FMN2: variants seen among roughly 807,000 people sequenced by gnomAD.
FMN2 encodes formin 2.
FMN2 carries 51 observed loss-of-function variants against 142.3 expected under a neutral mutation model. The ratio of observed to expected loss-of-function variants is 0.36; its 90% CI spans 0.29 to 0.45. FMN2 has a LOEUF of 0.45. Among genes scored for constraint, FMN2 ranks in the 20% least tolerant of loss-of-function variants. FMN2 has a pLI of 1.00. For missense variants in FMN2, 1,936 were observed against 2,122.8 expected (o/e 0.91, Z 1.73); for synonymous variants, 882 against 869.8 (o/e 1.01, Z -0.25).
At chr1:240,131,130 T>C (rs764869114) in intron 2 of FMN2, among the ~76,000 whole-genome samples, 3 of 152,192 alleles carry the variant, frequency 2.0e-5, no homozygotes, top group Non-Finnish European at 4.4e-5. Flanking sequence ...TGAAAGTTTA[T>C]TTCTTCTTGG....
At chr1:240,436,169 C>T (rs1476008204) in intron 15 of FMN2, among the ~76,000 whole-genome samples, 2 of 152,184 alleles carry the variant, frequency 1.3e-5, no homozygotes, top group South Asian at 2.1e-4. Flanking sequence ...TACCATAGCC[C>T]GTGGCAGCCA....
At chr1:240,277,524 TC>T (rs1669257114) in intron 7 of FMN2, among the ~76,000 whole-genome samples, 1 of 125,690 alleles carries the variant, frequency 8.0e-6, no homozygotes, top group South Asian at 2.6e-4. Context: ...TGCATCTTCT[TC>T]TTTTTTTTTT....
At chr1:240,254,630 G>A (rs756797224) in intron 6 of FMN2, among the ~76,000 whole-genome samples, 20 of 152,106 alleles carry the variant, frequency 1.3e-4, no homozygotes, top group Admixed American at 3.9e-4. Context: ...GCTGGGGAGG[G>A]TGGAGTTACC....
At chr1:240,247,021 G>A (rs1293954733) in intron 6 of FMN2, among the ~76,000 whole-genome samples, 1 of 152,114 alleles carries the variant, frequency 6.6e-6, no homozygotes, top group Non-Finnish European at 1.5e-5. Flanking sequence ...AAAAAGGTCA[G>A]ATCATAGCAG....
At chr1:240,261,305 A>G (rs1182637794) in intron 7 of FMN2, among the ~76,000 whole-genome samples, 2 of 151,630 alleles carry the variant, frequency 1.3e-5, no homozygotes, top group Admixed American at 1.3e-4. Context: ...GCAGCTCATT[A>G]ATGAAATGGA....
At chr1:240,218,022 C>T (rs929346990) in intron 6 of FMN2, among the ~76,000 whole-genome samples, 2 of 152,000 alleles carry the variant, frequency 1.3e-5, no homozygotes, top group Admixed American at 6.5e-5. Context: ...CAGTGGCTCA[C>T]GCCTGTAATC....
intron 2 of FMN2, among the ~76,000 whole-genome samples, chr1:240,167,666 A>G (rs1189517746): frequency 6.6e-6 from 1 of 152,224 alleles, no homozygotes; most frequent in Non-Finnish European, 1.5e-5. Flanking sequence ...TGCTGTGTGA[A>G]GATTGTGGCA....
intron 7 of FMN2, among the ~76,000 whole-genome samples, chr1:240,270,723 G>T (rs1668973755): frequency 1.3e-5 from 2 of 152,002 alleles, no homozygotes; most frequent in Non-Finnish European, 2.9e-5. Flanking sequence ...TATGTTAAGT[G>T]AAATAAGCCA....
chr1:240,290,897 T>G (rs1165370564), intron 7 of FMN2, among the ~76,000 whole-genome samples: 1 of 145,606 alleles, frequency 6.9e-6, no homozygotes, highest in African/African-American at 2.6e-5. Context: ...ATCTAGGCCC[T>G]CTACCTCCCG....
At chr1:240,118,598 A>G (rs1271250319) in intron 1 of FMN2, among the ~76,000 whole-genome samples, 1 of 152,104 alleles carries the variant, frequency 6.6e-6, no homozygotes. Flanking sequence ...GTTTGGAGTA[A>G]ACTTTGGAAT....
At chr1:240,297,733 T>A (rs1176867679) in intron 8 of FMN2, among the ~76,000 whole-genome samples, 1 of 152,098 alleles carries the variant, frequency 6.6e-6, no homozygotes, top group Non-Finnish European at 1.5e-5. Context: ...TTCATGAAAG[T>A]AGAAAAAGTA....
chr1:240,444,865 T>C (rs1675751927), intron 16 of FMN2, among the ~76,000 whole-genome samples: 1 of 152,224 alleles, frequency 6.6e-6, no homozygotes, highest in African/African-American at 2.4e-5. Flanking sequence ...TGAAAATACA[T>C]CTGAAGAATG....
chr1:240,412,138 G>A (rs9729074), intron 15 of FMN2, among the ~76,000 whole-genome samples: 128,382 of 152,152 alleles, frequency 0.84, 54,267 homozygotes, highest in African/African-American at 0.88. Flanking sequence ...AAGTGAAAAG[G>A]GGAGAAATAG....
chr1:240,334,321 T>G, intron 13 of FMN2, 92 bp downstream of exon 13: 2 of 1,383,438 alleles, frequency 1.4e-6, no homozygotes, highest in South Asian at 3.6e-5. Context: ...AAGTAATCTT[T>G]TTTATCTTTA....
chr1:240,462,742 A>C (rs1418190999), intron 16 of FMN2, among the ~76,000 whole-genome samples: 1 of 152,218 alleles, frequency 6.6e-6, no homozygotes, highest in Non-Finnish European at 1.5e-5. Flanking sequence ...CAAGGATCTT[A>C]CTATTTAGCA....
intron 13 of FMN2, among the ~76,000 whole-genome samples, chr1:240,336,268 A>C (rs961692130): frequency 6.6e-6 from 1 of 152,212 alleles, no homozygotes; most frequent in African/African-American, 2.4e-5. Context: ...TTGGTAGCAC[A>C]GAAGATTAGA....
chr1:240,179,475 C>T (rs1181034021), intron 3 of FMN2: 6 of 151,966 alleles, frequency 3.9e-5, no homozygotes, highest in Non-Finnish European at 8.8e-5. Context: ...GGCTGTACTC[C>T]CTGAAATGAA....
intron 14 of FMN2, among the ~76,000 whole-genome samples, chr1:240,378,841 A>G (rs948851098): frequency 1.3e-5 from 2 of 151,996 alleles, no homozygotes; most frequent in African/African-American, 4.8e-5. Flanking sequence ...TCTTCTCATT[A>G]TGTTCATGTT....
At chr1:240,329,221 TTTG>T in intron 9 of FMN2, 54 bp downstream of exon 9, 1 of 1,606,354 alleles carries the variant, frequency 6.2e-7, no homozygotes, top group Non-Finnish European at 8.5e-7. Context: ...GTGGGCCCGT[TTTG>T]TTTGGAAAAT....
Sources: gnomAD v4.1 joint callset for allele counts (sites outside exome capture counted in the v4.1 genomes callset) on GRCh38, gnomAD v4.1.1 for gene constraint, MANE v1.5 for transcripts, NCBI Gene and HGNC (gene_info 2026-07-23, HGNC 2026-07-21) for gene names.